Variants in PTPRD observed in about 807,000 individuals in gnomAD.
PTPRD encodes protein tyrosine phosphatase receptor type D, also known as receptor-type tyrosine-protein phosphatase delta.
PTPRD carries 34 observed loss-of-function variants against 214.5 expected under a neutral mutation model. That is an observed-to-expected ratio of 0.16 (90% CI 0.12 to 0.21). The LOEUF (loss-of-function observed/expected upper bound fraction) is 0.21, where lower values mean the gene tolerates loss of function less well. Ranked by LOEUF, PTPRD falls within the 10% of genes least tolerant of loss-of-function variation. PTPRD has a pLI of 1.00. For missense variants in PTPRD, 2,545 were observed against 2,398.7 expected (o/e 1.06, Z -1.27); for synonymous variants, 1,128 against 845.7 (o/e 1.33, Z -5.79).
At chr9:8,486,371 G>C in intron 27 of PTPRD, 22 bp from the exon 28 acceptor site, 1 of 1,592,974 alleles carries the variant, frequency 6.3e-7, no homozygotes, top group East Asian at 2.2e-5. Flanking sequence ...GGGATGGAGT[G>C]GTAAGACCAA....
chr9:9,578,233 G>A (rs1407603682), intron 7 of PTPRD, among the ~76,000 whole-genome samples: 2 of 152,022 alleles, frequency 1.3e-5, no homozygotes, highest in South Asian at 2.1e-4. Flanking sequence ...ATTCTTCAGA[G>A]TTGTGTTTGA....
At chr9:10,212,554 A>G (rs1594372011) in intron 3 of PTPRD, among the ~76,000 whole-genome samples, 1 of 152,142 alleles carries the variant, frequency 6.6e-6, no homozygotes, top group Non-Finnish European at 1.5e-5. Flanking sequence ...ATGACATCCT[A>G]TAGTTTAAAA....
At chr9:8,817,478 T>C (rs1309668002) in intron 11 of PTPRD, among the ~76,000 whole-genome samples, 1 of 152,092 alleles carries the variant, frequency 6.6e-6, no homozygotes, top group Non-Finnish European at 1.5e-5. Context: ...CTTTTTTTAA[T>C]TAGCTGGGTA....
rs1227151290 is a variant in PTPRD, at chr9:8,449,920, C to T, written c.3876-83G>A. 7 of 1,301,524 alleles carry T rather than the reference C, an allele frequency of 5.4e-6. No individual in the cohort carries two copies. The Admixed American group carries it at 7.6e-5, about 14-fold the overall frequency. The allele number at this position is 1,301,524 out of a possible 1,614,324, so 80.6% of individuals were successfully genotyped here. Reference sequence around the variant, plus strand: ...AAAGCAGAGAATTGCACCTGCACTCCCCCCACCTCCCAAGTTTTCAGTTTT... The same window carrying T: ...AAAGCAGAGAATTGCACCTGCACTCTCCCCACCTCCCAAGTTTTCAGTTTT... On this transcript the variant is annotated intron_variant, in intron 33 of 45. Transcript: ENST00000381196.
intron 8 of PTPRD, among the ~76,000 whole-genome samples, chr9:9,565,615 C>T (rs1412953714): frequency 2.0e-5 from 3 of 151,708 alleles, no homozygotes; most frequent in African/African-American, 7.3e-5. Flanking sequence ...AAAGAAAATG[C>T]TACAAATAGC....
At chr9:10,348,857 T>C (rs2097134165) in intron 2 of PTPRD, among the ~76,000 whole-genome samples, 1 of 152,090 alleles carries the variant, frequency 6.6e-6, no homozygotes, top group African/African-American at 2.4e-5. Flanking sequence ...GCTACAAAGA[T>C]GAAAAGCTAT....
At chr9:8,477,539 T>G (rs549462512) in intron 30 of PTPRD, among the ~76,000 whole-genome samples, 1 of 152,274 alleles carries the variant, frequency 6.6e-6, no homozygotes, top group Admixed American at 6.5e-5. Flanking sequence ...TGTATTAGCA[T>G]TCTCAAACAT....
At chr9:10,012,626 C>T (rs10809007) in intron 4 of PTPRD, among the ~76,000 whole-genome samples, 72,845 of 151,810 alleles carry the variant, frequency 0.48, 20,855 homozygotes, top group Middle Eastern at 0.67. Context: ...CTCACTATTT[C>T]GTTACCCAAG....
chr9:9,007,485 G>A (rs1159645600), intron 11 of PTPRD, among the ~76,000 whole-genome samples: 1 of 151,088 alleles, frequency 6.6e-6, no homozygotes, highest in Non-Finnish European at 1.5e-5. Context: ...TTTTTTTTAT[G>A]TGCTTGACCC....
At chr9:9,189,534 C>A (rs898155492) in intron 9 of PTPRD, among the ~76,000 whole-genome samples, 2 of 152,074 alleles carry the variant, frequency 1.3e-5, no homozygotes, top group African/African-American at 4.8e-5. Context: ...TCCCTTCTCT[C>A]CTTAAATCCA....
At chr9:10,575,536 A>C (rs970369027) in intron 2 of PTPRD, among the ~76,000 whole-genome samples, 1 of 152,114 alleles carries the variant, frequency 6.6e-6, no homozygotes, top group African/African-American at 2.4e-5. Context: ...AAGCAAAAAA[A>C]GTCTTCTTTT....
chr9:8,804,975 C>G (rs1448970657), intron 11 of PTPRD, among the ~76,000 whole-genome samples: 4 of 152,094 alleles, frequency 2.6e-5, no homozygotes, highest in African/African-American at 4.8e-5. Flanking sequence ...TTTTCTATTT[C>G]TGCTGTAACA....
intron 10 of PTPRD, chr9:9,091,206 T>G: frequency 2.7e-6 from 4 of 1,477,914 alleles, no homozygotes; most frequent in Non-Finnish European, 9.3e-7. Flanking sequence ...GATTTAGACC[T>G]GCGGGTGCTG....
intron 5 of PTPRD, among the ~76,000 whole-genome samples, chr9:9,842,675 T>C (rs1414362414): frequency 6.6e-6 from 1 of 152,002 alleles, no homozygotes; most frequent in African/African-American, 2.4e-5. Flanking sequence ...AAGTTGTTTT[T>C]TTTTTTTTTC....
intron 4 of PTPRD, among the ~76,000 whole-genome samples, chr9:10,012,921 T>C (rs1465783960): frequency 6.6e-6 from 1 of 151,882 alleles, no homozygotes; most frequent in Non-Finnish European, 1.5e-5. Context: ...GATTAAATTA[T>C]TACCTGGAAA....
intron 3 of PTPRD, among the ~76,000 whole-genome samples, chr9:10,292,400 G>A (rs575851957): frequency 3.9e-5 from 6 of 152,002 alleles, no homozygotes; most frequent in South Asian, 4.1e-4. Flanking sequence ...ATATACAATG[G>A]ATCATGTTAT....
intron 2 of PTPRD, among the ~76,000 whole-genome samples, chr9:10,379,005 A>C (rs1028586610): frequency 6.6e-6 from 1 of 151,806 alleles, no homozygotes; most frequent in African/African-American, 2.4e-5. Flanking sequence ...TTGATGTTTT[A>C]TAGTTTTCAT....
chr9:9,564,646 T>C (rs1325205685), intron 8 of PTPRD, among the ~76,000 whole-genome samples: 1 of 151,966 alleles, frequency 6.6e-6, no homozygotes, highest in Non-Finnish European at 1.5e-5. Context: ...GGGGTACATA[T>C]GTCTTAAAAG....
At chr9:8,981,229 TA>T (rs550085079) in intron 11 of PTPRD, among the ~76,000 whole-genome samples, 3 of 151,166 alleles carry the variant, frequency 2.0e-5, no homozygotes, top group East Asian at 1.9e-4. Flanking sequence ...GCATAGAGAT[TA>T]AAAAAAAAGA....
Sources: allele counts gnomAD v4.1 joint callset (sites outside exome capture counted in the v4.1 genomes callset), GRCh38; gene constraint gnomAD v4.1.1; transcripts MANE v1.5; gene names NCBI Gene and HGNC (gene_info 2026-07-23, HGNC 2026-07-21).